Variants in ANO10 observed in about 807,000 individuals in gnomAD.
The protein encoded by ANO10 is anoctamin-10.
In ANO10, 77 loss-of-function variants were observed where a neutral mutation model predicts 74.7. That is an observed-to-expected ratio of 1.03 (90% CI 0.86 to 1.25). The LOEUF (loss-of-function observed/expected upper bound fraction) is 1.25. ANO10 is among the 50% of genes most tolerant of loss of function. The pLI is 0.00. For missense variants in ANO10, 721 were observed against 778.1 expected, an observed-to-expected ratio of 0.93 and a Z score of 0.87; for synonymous variants, 279 against 284.9, an observed-to-expected ratio of 0.98 and a Z score of 0.21.
intron 7 of ANO10, among the ~76,000 whole-genome samples, chr3:43,565,959 C>T (rs758149309): frequency 3.1e-4 from 47 of 152,032 alleles, no homozygotes; most frequent in Non-Finnish European, 5.6e-4. Flanking sequence ...AGACAGTGGA[C>T]GCAGGTCAGT....
intron 12 of ANO10, among the ~76,000 whole-genome samples, chr3:43,374,571 A>G (rs538475789): frequency 1.3e-5 from 2 of 152,218 alleles, no homozygotes; most frequent in East Asian, 1.9e-4. Flanking sequence ...TACTATAATA[A>G]TATCACCCAA....
At chr3:43,499,788 ACAAAATATAAG>A (rs2077036286) in intron 11 of ANO10, among the ~76,000 whole-genome samples, 1 of 151,996 alleles carries the variant, frequency 6.6e-6, no homozygotes, top group African/African-American at 2.4e-5. Context: ...TGTGCTACCT[ACAAAATATAAG>A]CAAAATATAG....
chr3:43,382,518 CAA>C (rs71616090), intron 12 of ANO10, among the ~76,000 whole-genome samples: 33 of 92,734 alleles, frequency 3.6e-4, no homozygotes, highest in African/African-American at 3.7e-4. Context: ...GACTCCGTCT[CAA>C]AAAAAAAAAA....
intron 1 of ANO10, among the ~76,000 whole-genome samples, chr3:43,609,075 C>T (rs780975096): frequency 1.2e-4 from 19 of 152,126 alleles, no homozygotes; most frequent in Non-Finnish European, 2.2e-4. Context: ...TACCTAAATA[C>T]ACAATTCTAT....
chr3:43,599,267 T>C (rs577917807), intron 3 of ANO10, among the ~76,000 whole-genome samples: 1 of 152,318 alleles, frequency 6.6e-6, no homozygotes, highest in East Asian at 1.9e-4. Flanking sequence ...TCACATCTTC[T>C]AACTCTGAAA....
At chr3:43,419,110 T>C (rs1045673157) in intron 12 of ANO10, among the ~76,000 whole-genome samples, 3 of 152,250 alleles carry the variant, frequency 2.0e-5, no homozygotes, top group Admixed American at 6.5e-5. Context: ...CCTAGTCCTG[T>C]AGGCTTCTAC....
chr3:43,597,127 A>G (rs548276996), intron 4 of ANO10, among the ~76,000 whole-genome samples: 1 of 152,338 alleles, frequency 6.6e-6, no homozygotes, highest in South Asian at 2.1e-4. Context: ...GGTGCTGGAG[A>G]GGATGTGGAG....
At chr3:43,590,743 C>A (rs2149446165) in intron 4 of ANO10, among the ~76,000 whole-genome samples, 1 of 152,316 alleles carries the variant, frequency 6.6e-6, no homozygotes, top group South Asian at 2.1e-4. Context: ...CAAACAAGCT[C>A]TAAAATATAT....
At chr3:43,507,801 C>A (rs1353458746) in intron 11 of ANO10, among the ~76,000 whole-genome samples, 2 of 152,040 alleles carry the variant, frequency 1.3e-5, no homozygotes, top group Non-Finnish European at 2.9e-5. Context: ...AAATGAAATG[C>A]CATCTGCACA....
At chr3:43,610,272 A>G (rs974219668) in intron 1 of ANO10, among the ~76,000 whole-genome samples, 1 of 152,168 alleles carries the variant, frequency 6.6e-6, no homozygotes, top group South Asian at 2.1e-4. Context: ...AGTAACACAC[A>G]TGGAGCTGTC....
At chr3:43,527,371 T>C (rs1225079780) in intron 11 of ANO10, among the ~76,000 whole-genome samples, 1 of 152,134 alleles carries the variant, frequency 6.6e-6, no homozygotes, top group Non-Finnish European at 1.5e-5. Context: ...TAAAATATGC[T>C]GCACACTAAA....
At chr3:43,639,792 A>C (rs2083653689) in intron 1 of ANO10, among the ~76,000 whole-genome samples, 1 of 151,694 alleles carries the variant, frequency 6.6e-6, no homozygotes, top group Admixed American at 6.6e-5. Flanking sequence ...AAAAAAAAAG[A>C]AAGAAAGAAA....
At chr3:43,645,050 T>C (rs2083711917) in intron 1 of ANO10, among the ~76,000 whole-genome samples, 1 of 152,210 alleles carries the variant, frequency 6.6e-6, no homozygotes, top group Non-Finnish European at 1.5e-5. Flanking sequence ...CCACCAATCC[T>C]AAATTTAAAA....
chr3:43,443,663 T>C (rs576112269), intron 11 of ANO10, among the ~76,000 whole-genome samples: 2 of 147,648 alleles, frequency 1.4e-5, no homozygotes, highest in African/African-American at 4.9e-5. Context: ...ATGAAAAGTA[T>C]TTTACTTCCT....
chr3:43,434,410 T>C (rs2093036414), intron 11 of ANO10, among the ~76,000 whole-genome samples: 1 of 152,258 alleles, frequency 6.6e-6, no homozygotes, highest in Non-Finnish European at 1.5e-5. Context: ...GCTGTACTGT[T>C]ATTTCATTCC....
intron 11 of ANO10, among the ~76,000 whole-genome samples, chr3:43,435,408 T>C (rs140647433): frequency 6.6e-5 from 10 of 151,796 alleles, no homozygotes; most frequent in African/African-American, 1.4e-4. Context: ...ACTTGGGAGG[T>C]TGAGGCAGGG....
At chr3:43,577,314 A>T in intron 5 of ANO10, 53 bp from the exon 6 acceptor site, 1 of 1,529,900 alleles carries the variant, frequency 6.5e-7, no homozygotes, top group Non-Finnish European at 9.0e-7. Context: ...ACACTTTAAA[A>T]AATCATTTCA....
At chr3:43,418,836 A>T (rs2092779452) in intron 12 of ANO10, among the ~76,000 whole-genome samples, 1 of 152,252 alleles carries the variant, frequency 6.6e-6, no homozygotes, top group Non-Finnish European at 1.5e-5. Context: ...GGGAATGGCA[A>T]TAGGTCCCTA....
chr3:43,673,856 T>G (rs548432965), intron 1 of ANO10, among the ~76,000 whole-genome samples: 243 of 152,238 alleles, frequency 1.6e-3, no homozygotes, highest in Admixed American at 4.1e-3. Context: ...GGGCTCTTCC[T>G]TTACTCTTTC....
Sources: gnomAD v4.1 joint callset for allele counts (sites outside exome capture counted in the v4.1 genomes callset) on GRCh38, gnomAD v4.1.1 for gene constraint, MANE v1.5 for transcripts, NCBI Gene and HGNC (gene_info 2026-07-23, HGNC 2026-07-21) for gene names.